The following AOPEP variants were observed in gnomAD, a reference collection of about 807,000 sequenced individuals.
The protein encoded by AOPEP is aminopeptidase O (putative), also known as aminopeptidase O.
In AOPEP, 77 loss-of-function variants were observed where a neutral mutation model predicts 98.1. That is an observed-to-expected ratio of 0.78 (90% CI 0.65 to 0.95). The LOEUF (loss-of-function observed/expected upper bound fraction) is 0.95. AOPEP is among the 40% of genes least tolerant of loss of function. AOPEP has a pLI of 0.00. For synonymous variants in AOPEP, 346 were observed against 365.3 expected (o/e 0.95, Z 0.60); for missense variants, 1,024 against 1,024.7 (o/e 1.00, Z 0.01).
the AOPEP span, among the ~76,000 whole-genome samples, chr9:95,102,905 C>T: frequency 1.3e-5 from 2 of 152,240 alleles, no homozygotes; most frequent in African/African-American, 4.8e-5. Context: ...CTGCAGCCGG[C>T]CTGCAACGAG....
chr9:95,102,008 G>A, the AOPEP span, among the ~76,000 whole-genome samples: 48 of 152,198 alleles, frequency 3.2e-4, no homozygotes, highest in Non-Finnish European at 4.0e-4. Context: ...AGTTTGCAAG[G>A]TGATTAGCAT....
intron 5 of AOPEP, among the ~76,000 whole-genome samples, chr9:94,831,149 T>G (rs988982839): frequency 1.3e-5 from 2 of 152,254 alleles, no homozygotes; most frequent in Non-Finnish European, 2.9e-5. Flanking sequence ...TGAATGGTAT[T>G]GCCTTGATTT....
intron 5 of AOPEP, chr9:94,904,570 T>G (rs1047808246): frequency 2.0e-5 from 3 of 152,190 alleles, no homozygotes; most frequent in African/African-American, 7.2e-5. Flanking sequence ...AATGTCCTAT[T>G]ACATATTTCA....
At chr9:95,130,366 A>G in the AOPEP span, among the ~76,000 whole-genome samples, 1 of 152,182 alleles carries the variant, frequency 6.6e-6, no homozygotes, top group African/African-American at 2.4e-5. Flanking sequence ...AAAAAGGGAA[A>G]TTATACTATG....
chr9:95,039,413 T>A (rs890002362), intron 13 of AOPEP, among the ~76,000 whole-genome samples: 1 of 151,682 alleles, frequency 6.6e-6, no homozygotes. Context: ...CAAAAAAAAA[T>A]ACTAAAAAAT....
chr9:94,966,847 GA>G (rs1170327941), intron 9 of AOPEP, among the ~76,000 whole-genome samples: 1 of 152,138 alleles, frequency 6.6e-6, no homozygotes, highest in African/African-American at 2.4e-5. Context: ...AAATGGGCTG[GA>G]AAAGGGGGTC....
intron 13 of AOPEP, among the ~76,000 whole-genome samples, chr9:95,031,542 C>G (rs1472970585): frequency 6.6e-6 from 1 of 152,144 alleles, no homozygotes; most frequent in Non-Finnish European, 1.5e-5. Flanking sequence ...AGCACAAGAG[C>G]CCAGCTCTGC....
chr9:94,756,343 C>G (rs1433287566), intron 1 of AOPEP, among the ~76,000 whole-genome samples: 1 of 151,652 alleles, frequency 6.6e-6, no homozygotes, highest in Non-Finnish European at 1.5e-5. Context: ...GTGGGCAGAT[C>G]GCCTGAGCTG....
intron 14 of AOPEP, among the ~76,000 whole-genome samples, chr9:95,075,444 A>G (rs1432363192): frequency 6.6e-6 from 1 of 152,242 alleles, no homozygotes; most frequent in Admixed American, 6.5e-5. Context: ...AAACCTGGAA[A>G]AAGCTGCAGT....
chr9:94,876,827 A>G (rs970866323), intron 5 of AOPEP, among the ~76,000 whole-genome samples: 2 of 152,180 alleles, frequency 1.3e-5, no homozygotes, highest in Non-Finnish European at 1.5e-5. Context: ...AAGGAGCCCT[A>G]AAGTTGCATG....
intron 16 of AOPEP, 167 bp downstream of exon 16, chr9:95,082,886 G>C (rs963900395): frequency 1.1e-5 from 8 of 719,064 alleles, no homozygotes; most frequent in Non-Finnish European, 1.8e-5. Flanking sequence ...TGCTGGGCTG[G>C]TATGGGAGCC....
chr9:95,141,645 A>G, the AOPEP span, among the ~76,000 whole-genome samples: 1 of 152,212 alleles, frequency 6.6e-6, no homozygotes, highest in African/African-American at 2.4e-5. Context: ...GGGTATTCAA[A>G]AGAATCTGTG....
intron 6 of AOPEP, among the ~76,000 whole-genome samples, chr9:94,926,027 C>T (rs1292485610): frequency 2.0e-5 from 3 of 152,210 alleles, no homozygotes; most frequent in Non-Finnish European, 4.4e-5. Context: ...TATGAACGTG[C>T]CTCTATCACC....
At chr9:95,066,022 T>C (rs1185199104) in intron 14 of AOPEP, among the ~76,000 whole-genome samples, 3 of 152,080 alleles carry the variant, frequency 2.0e-5, no homozygotes, top group Admixed American at 2.0e-4. Flanking sequence ...TGGGTATAGA[T>C]TGAAAAAAGG....
At chr9:94,813,793 C>G (rs1364848400) in intron 5 of AOPEP, among the ~76,000 whole-genome samples, 2 of 152,224 alleles carry the variant, frequency 1.3e-5, no homozygotes, top group Non-Finnish European at 2.9e-5. Flanking sequence ...GGAGCATGAG[C>G]AAGGGCAAGC....
intron 1 of AOPEP, among the ~76,000 whole-genome samples, chr9:94,756,567 CAAATG>C (rs1478473574): frequency 1.3e-5 from 2 of 152,082 alleles, no homozygotes; most frequent in African/African-American, 4.8e-5. Flanking sequence ...AGAAAAATGT[CAAATG>C]AAACAGGGTT....
At chr9:94,742,587 A>G (rs972980228) in intron 1 of AOPEP, among the ~76,000 whole-genome samples, 4 of 152,108 alleles carry the variant, frequency 2.6e-5, no homozygotes, top group African/African-American at 9.6e-5. Flanking sequence ...GGCACGCGCC[A>G]CCACGCCTGG....
At chr9:95,115,420 A>G in the AOPEP span, among the ~76,000 whole-genome samples, 161 of 152,308 alleles carry the variant, frequency 1.1e-3, no homozygotes, top group African/African-American at 3.8e-3. Flanking sequence ...AGCAGCCAAT[A>G]AGGAATTAGG....
At chr9:95,084,533 GTTT>G (rs1564621683) in intron 16 of AOPEP, among the ~76,000 whole-genome samples, 2 of 152,130 alleles carry the variant, frequency 1.3e-5, no homozygotes, top group East Asian at 1.9e-4. Flanking sequence ...TTTCTCTTTC[GTTT>G]TGTTATTTCG....
Sources: allele counts gnomAD v4.1 joint callset (sites outside exome capture counted in the v4.1 genomes callset), GRCh38; gene constraint gnomAD v4.1.1; transcripts MANE v1.5; gene names NCBI Gene and HGNC (gene_info 2026-07-23, HGNC 2026-07-21).